Variants in R3HDM1 observed in about 807,000 individuals in gnomAD.
R3HDM1 encodes the protein R3H domain-containing protein 1.
Under a neutral mutation model 141.1 loss-of-function variants are expected in R3HDM1, and 46 were observed. That is an observed-to-expected ratio of 0.33 (90% CI 0.26 to 0.42). R3HDM1 has a LOEUF of 0.42. Ranked by LOEUF, R3HDM1 falls within the 10% of genes least tolerant of loss-of-function variation. The pLI is 1.00. For synonymous variants in R3HDM1, 435 were observed against 472.9 expected (o/e 0.92, Z 1.04); for missense variants, 1,184 against 1,368.3 (o/e 0.87, Z 2.12).
chr2:135,539,316 T>A (rs945382133), intron 1 of R3HDM1, among the ~76,000 whole-genome samples: 1 of 152,224 alleles, frequency 6.6e-6, no homozygotes, highest in South Asian at 2.1e-4. Context: ...TACTTTCATA[T>A]AGTCATATGC....
At chr2:135,574,205 T>C (rs931988963) in intron 1 of R3HDM1, among the ~76,000 whole-genome samples, 57 of 152,256 alleles carry the variant, frequency 3.7e-4, no homozygotes, top group African/African-American at 1.3e-3. Flanking sequence ...TTTTAAAAAA[T>C]TTTAAAATCA....
intron 5 of R3HDM1, chr2:135,619,626 C>A (rs887458948): frequency 2.2e-6 from 1 of 453,880 alleles, no homozygotes; most frequent in South Asian, 9.3e-5. Flanking sequence ...TTTTTCCAAG[C>A]CTTGAGATAA....
chr2:135,683,376 A>G (rs2070680237), intron 21 of R3HDM1, among the ~76,000 whole-genome samples: 2 of 152,056 alleles, frequency 1.3e-5, no homozygotes, highest in Admixed American at 1.3e-4. Context: ...CAACATGTTG[A>G]AACCCTGTCT....
intron 1 of R3HDM1, among the ~76,000 whole-genome samples, chr2:135,543,327 T>G (rs1244603811): frequency 6.6e-6 from 1 of 152,238 alleles, no homozygotes; most frequent in African/African-American, 2.4e-5. Context: ...TTGATTTATA[T>G]GTGTGTCTTT....
At chr2:135,542,120 C>T (rs1697731076) in intron 1 of R3HDM1, among the ~76,000 whole-genome samples, 1 of 152,138 alleles carries the variant, frequency 6.6e-6, no homozygotes, top group Admixed American at 6.5e-5. Context: ...TTGACTGCAA[C>T]TCATCATGTA....
rs747899226 is a variant in R3HDM1, at chr2:135,602,539, A to G, written c.-210A>G. The G allele has an allele frequency of 5.5e-6, 8 of 1,459,090 alleles. No homozygotes were observed. Among genetic ancestry groups the G allele is most frequent in the Non-Finnish European group, 7.2e-6 (8 of 1,106,516 alleles). The allele number at this position is 1,459,090 out of a possible 1,614,324, so 90.4% of individuals were successfully genotyped here. On this transcript the variant is annotated 5_prime_UTR_variant, in exon 2 of 27. Coordinates refer to ENST00000683871, the MANE Select transcript of R3HDM1 (RefSeq NM_001378107.1). ...TGATATATTTGATCCAAGACAGTCC[A>G]TTCCAGTCCGGGAATCTACAGTGGT...
intron 1 of R3HDM1, among the ~76,000 whole-genome samples, chr2:135,533,172 G>T (rs1280701230): frequency 6.6e-6 from 1 of 152,182 alleles, no homozygotes; most frequent in Admixed American, 6.5e-5. Flanking sequence ...TGCCAGTCAT[G>T]TAGTAGTCAC....
At chr2:135,697,495 G>C (rs184899262) in intron 21 of R3HDM1, among the ~76,000 whole-genome samples, 1 of 152,290 alleles carries the variant, frequency 6.6e-6, no homozygotes, top group East Asian at 1.9e-4. Flanking sequence ...CCTAATACTG[G>C]AAGTAATCCA....
intron 1 of R3HDM1, among the ~76,000 whole-genome samples, chr2:135,601,227 T>A (rs2059597621): frequency 1.3e-5 from 2 of 152,252 alleles, no homozygotes; most frequent in South Asian, 4.1e-4. Flanking sequence ...TGGAGAATCT[T>A]GGTCAGATTG....
intron 1 of R3HDM1, among the ~76,000 whole-genome samples, chr2:135,575,329 C>T (rs946876523): frequency 2.6e-5 from 4 of 152,170 alleles, no homozygotes; most frequent in African/African-American, 9.7e-5. Flanking sequence ...ATTACAGGCA[C>T]CTGTCCCCAC....
At chr2:135,542,648 T>A (rs1272550545) in intron 1 of R3HDM1, among the ~76,000 whole-genome samples, 1 of 152,226 alleles carries the variant, frequency 6.6e-6, no homozygotes, top group African/African-American at 2.4e-5. Flanking sequence ...AATAAAAGAT[T>A]TCATCCCCTA....
intron 16 of R3HDM1, among the ~76,000 whole-genome samples, chr2:135,646,892 A>AAAGAAG (rs201096096): frequency 0.47 from 69,069 of 146,382 alleles, 20,531 homozygotes; most frequent in East Asian, 0.87. Flanking sequence ...AAAAAAAAAA[A>AAAGAAG]AAGAAGAAGT....
At chr2:135,602,844 T>C (rs2059728078) in intron 2 of R3HDM1, 136 bp downstream of exon 2, 4 of 719,694 alleles carry the variant, frequency 5.6e-6, no homozygotes, top group Non-Finnish European at 8.3e-6. Context: ...AATGAACCAA[T>C]TAACTTTTGT....
At chr2:135,615,636 C>T (rs1394263535) in intron 3 of R3HDM1, among the ~76,000 whole-genome samples, 1 of 152,158 alleles carries the variant, frequency 6.6e-6, no homozygotes, top group East Asian at 1.9e-4. Flanking sequence ...GTTTCTATCA[C>T]TAATAAACTG....
At chr2:135,550,570 G>A (rs760832759) in intron 1 of R3HDM1, among the ~76,000 whole-genome samples, 5 of 152,128 alleles carry the variant, frequency 3.3e-5, no homozygotes, top group Non-Finnish European at 7.4e-5. Flanking sequence ...CTGGTCCTAC[G>A]ATAAGGGGTA....
At chr2:135,636,234 T>C in intron 11 of R3HDM1, 51 bp downstream of exon 11, 1 of 1,569,038 alleles carries the variant, frequency 6.4e-7, no homozygotes, top group South Asian at 1.2e-5. Flanking sequence ...TCTAATTACG[T>C]TGTAGGGTCT....
intron 11 of R3HDM1, 94 bp downstream of exon 11, chr2:135,636,277 T>G (rs2063238616): frequency 6.8e-7 from 1 of 1,477,344 alleles, no homozygotes; most frequent in Admixed American, 2.5e-5. Context: ...TCACATTTAT[T>G]TTTAATCACA....
chr2:135,684,142 G>A lies in R3HDM1; in HGVS notation c.2459+3818G>A, dbSNP rs190375085. On this transcript the variant is annotated intron_variant, in intron 21 of 26. Transcript: ENST00000683871. ...GTCTCACTCTGTCGCCCAGGCTGGAGTGCAGTGGCACGAACTCAGCTCACT... is the reference window on the plus strand; with the variant it reads ...GTCTCACTCTGTCGCCCAGGCTGGAATGCAGTGGCACGAACTCAGCTCACT... Among the ~76,000 whole-genome samples, 357 of 152,246 alleles carry A rather than the reference G, an allele frequency of 2.3e-3. 1 individual carries two copies. Among genetic ancestry groups the A allele is most frequent in the African/African-American group, 8.1e-3 (336 of 41,538 alleles).
At chr2:135,635,130 C>A (rs13393044) in intron 9 of R3HDM1, among the ~76,000 whole-genome samples, 4,746 of 152,226 alleles carry the variant, frequency 0.031, 219 homozygotes, top group African/African-American at 0.099. Flanking sequence ...CTAACCTGTT[C>A]CAGTTAATGT....
Sources: gnomAD v4.1 joint callset for allele counts (sites outside exome capture counted in the v4.1 genomes callset) on GRCh38, gnomAD v4.1.1 for gene constraint, MANE v1.5 for transcripts, NCBI Gene and HGNC (gene_info 2026-07-23, HGNC 2026-07-21) for gene names.